The following GRIP1 variants were observed in gnomAD, a reference collection of about 807,000 sequenced individuals.
GRIP1 encodes the protein glutamate receptor-interacting protein 1.
Under a neutral mutation model 129.9 loss-of-function variants are expected in GRIP1, and 45 were observed. That is an observed-to-expected ratio of 0.35 (90% CI 0.27 to 0.44). The LOEUF is 0.44. Among genes scored for constraint, GRIP1 ranks in the 20% least tolerant of loss-of-function variants. The probability of loss-of-function intolerance (pLI) is 1.00; values close to 1 mark genes in which losing one functional copy is unlikely to be tolerated. For missense variants in GRIP1, 1,196 were observed against 1,396.8 expected (o/e 0.86, Z 2.29); for synonymous variants, 530 against 520.8 (o/e 1.02, Z -0.24).
At chr12:67,014,517 T>C (rs894510738) in intron 1 of GRIP1, among the ~76,000 whole-genome samples, 1 of 152,136 alleles carries the variant, frequency 6.6e-6, no homozygotes, top group East Asian at 1.9e-4. Flanking sequence ...AATAATCCCA[T>C]ACATATTGAT....
intron 23 of GRIP1, among the ~76,000 whole-genome samples, chr12:66,363,765 T>C (rs2054952520): frequency 6.6e-6 from 1 of 152,068 alleles, no homozygotes; most frequent in South Asian, 2.1e-4. Context: ...ATCTTGCTTA[T>C]GTGTGGAATC....
chr12:66,871,598 A>T (rs1473885309), intron 1 of GRIP1, among the ~76,000 whole-genome samples: 3 of 152,082 alleles, frequency 2.0e-5, no homozygotes, highest in Admixed American at 1.3e-4. Context: ...TATCATCATC[A>T]TCTTCTTCAT....
chr12:66,781,351 C>T (rs563236262), intron 1 of GRIP1, among the ~76,000 whole-genome samples: 1 of 152,168 alleles, frequency 6.6e-6, no homozygotes, highest in Admixed American at 6.5e-5. Context: ...AGCAGTGAGG[C>T]TTATTTAGGT....
At chr12:66,774,180 G>C (rs548421670) in intron 1 of GRIP1, among the ~76,000 whole-genome samples, 5 of 152,140 alleles carry the variant, frequency 3.3e-5, no homozygotes, top group Admixed American at 1.3e-4. Context: ...TGTGTGACTA[G>C]GGAACAATCT....
At chr12:66,584,692 CT>C (rs993761963) in intron 2 of GRIP1, among the ~76,000 whole-genome samples, 2 of 152,052 alleles carry the variant, frequency 1.3e-5, no homozygotes, top group African/African-American at 4.8e-5. Flanking sequence ...TAATTTGTCC[CT>C]TTTTAATTTG....
chr12:66,754,525 C>T (rs2037226962), intron 1 of GRIP1, among the ~76,000 whole-genome samples: 1 of 152,184 alleles, frequency 6.6e-6, no homozygotes, highest in African/African-American at 2.4e-5. Context: ...TATTCTATCT[C>T]CTGCAGCTTC....
At chr12:66,413,893 C>A (rs1282495882) in intron 15 of GRIP1, among the ~76,000 whole-genome samples, 2 of 152,098 alleles carry the variant, frequency 1.3e-5, no homozygotes, top group African/African-American at 4.8e-5. Flanking sequence ...CAATAATATT[C>A]ACCATCCCTT....
At chr12:66,798,662 C>T (rs12579363) in intron 1 of GRIP1, among the ~76,000 whole-genome samples, 47,701 of 151,842 alleles carry the variant, frequency 0.31, 8,123 homozygotes, top group South Asian at 0.41. Flanking sequence ...ATAATTATGC[C>T]ATTTTAAGTC....
chr12:66,378,731 C>T (rs534668791), intron 20 of GRIP1, among the ~76,000 whole-genome samples: 55 of 151,746 alleles, frequency 3.6e-4, no homozygotes, highest in African/African-American at 1.1e-3. Context: ...GGCAATAGAG[C>T]GATACTCCAT....
At chr12:66,879,218 T>C (rs1368967822) in intron 1 of GRIP1, among the ~76,000 whole-genome samples, 1 of 151,922 alleles carries the variant, frequency 6.6e-6, no homozygotes, top group African/African-American at 2.4e-5. Context: ...CTCATAGGTG[T>C]TTGCTGTGTT....
At chr12:66,659,680 C>T (rs2033381361) in intron 1 of GRIP1, among the ~76,000 whole-genome samples, 1 of 152,146 alleles carries the variant, frequency 6.6e-6, no homozygotes, top group African/African-American at 2.4e-5. Flanking sequence ...TTTAAAATTG[C>T]TGTTCATTCT....
intron 1 of GRIP1, among the ~76,000 whole-genome samples, chr12:66,948,456 G>A (rs961630814): frequency 1.3e-5 from 2 of 152,186 alleles, no homozygotes; most frequent in African/African-American, 4.8e-5. Context: ...TAAGGACTGT[G>A]TTATACAAAA....
intron 1 of GRIP1, among the ~76,000 whole-genome samples, chr12:66,694,301 CT>C (rs1209071777): frequency 6.6e-6 from 1 of 152,070 alleles, no homozygotes; most frequent in Non-Finnish European, 1.5e-5. Flanking sequence ...CCATTATGAG[CT>C]TTGTAGTTTT....
At chr12:66,694,090 G>C (rs184050687) in intron 1 of GRIP1, among the ~76,000 whole-genome samples, 118 of 152,164 alleles carry the variant, frequency 7.8e-4, no homozygotes, top group Middle Eastern at 3.4e-3. Context: ...ACATTTTACT[G>C]CCATCTGCTG....
At chr12:66,699,684 T>C (rs1022801366) in intron 1 of GRIP1, among the ~76,000 whole-genome samples, 10 of 152,154 alleles carry the variant, frequency 6.6e-5, no homozygotes, top group Admixed American at 2.6e-4. Flanking sequence ...GAGAGGTATA[T>C]AATGGAATCA....
chr12:66,730,264 GC>G (rs1303473667), intron 1 of GRIP1, among the ~76,000 whole-genome samples: 1 of 152,134 alleles, frequency 6.6e-6, no homozygotes, highest in African/African-American at 2.4e-5. Flanking sequence ...GTCATAAACA[GC>G]TCCACCACTC....
intron 1 of GRIP1, among the ~76,000 whole-genome samples, chr12:66,646,865 C>T (rs1254384904): frequency 1.3e-5 from 2 of 152,118 alleles, no homozygotes; most frequent in East Asian, 1.9e-4. Context: ...GAGAGGGTGT[C>T]CTCTCATGTG....
intron 7 of GRIP1, among the ~76,000 whole-genome samples, chr12:66,497,705 G>A (rs1474248491): frequency 2.0e-5 from 3 of 152,150 alleles, no homozygotes; most frequent in Admixed American, 1.3e-4. Flanking sequence ...TGAGTGAGAG[G>A]CACGGACAAG....
intron 1 of GRIP1, among the ~76,000 whole-genome samples, chr12:66,853,215 T>C (rs1592903501): frequency 6.6e-6 from 1 of 151,944 alleles, no homozygotes; most frequent in Admixed American, 6.6e-5. Flanking sequence ...CTAAGTTGCA[T>C]GGAGCTTGTG....
Sources: allele counts gnomAD v4.1 joint callset (sites outside exome capture counted in the v4.1 genomes callset), GRCh38; gene constraint gnomAD v4.1.1; transcripts MANE v1.5; gene names NCBI Gene and HGNC (gene_info 2026-07-23, HGNC 2026-07-21).